Variants in PPARGC1A observed in about 807,000 individuals in gnomAD.
PPARGC1A encodes the protein peroxisome proliferator-activated receptor gamma coactivator 1-alpha.
PPARGC1A carries 25 observed loss-of-function variants against 88.7 expected under a neutral mutation model. The ratio of observed to expected loss-of-function variants is 0.28; its 90% CI spans 0.21 to 0.39. The LOEUF (loss-of-function observed/expected upper bound fraction) is 0.39. Among genes scored for constraint, PPARGC1A ranks in the 10% least tolerant of loss-of-function variants. PPARGC1A has a pLI of 1.00. For synonymous variants in PPARGC1A, 363 were observed against 355.6 expected (o/e 1.02, Z -0.24); for missense variants, 880 against 968.7 (o/e 0.91, Z 1.22).
At chr4:23,884,014 T>C (rs909877219) in intron 2 of PPARGC1A, 3 of 152,164 alleles carry the variant, frequency 2.0e-5, no homozygotes, top group African/African-American at 7.2e-5. Flanking sequence ...ACTCACTAAA[T>C]GTTTGTTCCT....
chr4:24,125,567 T>A, the PPARGC1A span, among the ~76,000 whole-genome samples: 1 of 152,130 alleles, frequency 6.6e-6, no homozygotes, highest in Non-Finnish European at 1.5e-5. Flanking sequence ...AAAACTCCAC[T>A]CCTGCATTGT....
chr4:24,322,274 C>A, the PPARGC1A span, among the ~76,000 whole-genome samples: 1 of 152,114 alleles, frequency 6.6e-6, no homozygotes, highest in Non-Finnish European at 1.5e-5. Flanking sequence ...TATTTTCCCC[C>A]GAGTTGAAGA....
the PPARGC1A span, among the ~76,000 whole-genome samples, chr4:24,374,915 C>T: frequency 5.9e-5 from 9 of 151,560 alleles, no homozygotes; most frequent in East Asian, 1.9e-4. Context: ...GAAATGAAAA[C>T]GTGTCCACAT....
At chr4:24,432,123 C>T in the PPARGC1A span, among the ~76,000 whole-genome samples, 1 of 151,978 alleles carries the variant, frequency 6.6e-6, no homozygotes, top group African/African-American at 2.4e-5. Context: ...CATGTATAGA[C>T]TCAGGTGAAT....
intron 10 of PPARGC1A, among the ~76,000 whole-genome samples, chr4:23,805,960 T>C (rs978400678): frequency 6.6e-6 from 1 of 152,170 alleles, no homozygotes; most frequent in Admixed American, 6.5e-5. Flanking sequence ...TGCAGCTTTA[T>C]ACGAAGTTGT....
the PPARGC1A span, among the ~76,000 whole-genome samples, chr4:24,059,323 A>G: frequency 3.3e-5 from 5 of 152,222 alleles, no homozygotes; most frequent in South Asian, 2.1e-4. Context: ...CAACGTATCA[A>G]TGCAAATCCA....
chr4:24,022,408 C>T, the PPARGC1A span, among the ~76,000 whole-genome samples: 1 of 151,984 alleles, frequency 6.6e-6, no homozygotes, highest in Non-Finnish European at 1.5e-5. Context: ...ACATACATAT[C>T]GGTTACTTAC....
At chr4:23,853,332 T>C (rs1729640563) in intron 2 of PPARGC1A, among the ~76,000 whole-genome samples, 1 of 152,150 alleles carries the variant, frequency 6.6e-6, no homozygotes, top group Non-Finnish European at 1.5e-5. Flanking sequence ...AACATTAACT[T>C]AGGGTCATTA....
chr4:24,264,629 C>T, the PPARGC1A span, among the ~76,000 whole-genome samples: 3 of 152,232 alleles, frequency 2.0e-5, no homozygotes, highest in Non-Finnish European at 4.4e-5. Context: ...CCCAGGCTGC[C>T]ATGGAGTTCA....
At chr4:23,964,612 C>A in the PPARGC1A span, among the ~76,000 whole-genome samples, 1 of 152,064 alleles carries the variant, frequency 6.6e-6, no homozygotes, top group African/African-American at 2.4e-5. Context: ...AGAAGTTAAG[C>A]CCGGTGTTAT....
At chr4:24,191,966 G>C in the PPARGC1A span, among the ~76,000 whole-genome samples, 1 of 152,188 alleles carries the variant, frequency 6.6e-6, no homozygotes, top group African/African-American at 2.4e-5. Flanking sequence ...ACGGGGATGT[G>C]TACAACCATA....
At chr4:23,852,254 T>A (rs577620955) in intron 2 of PPARGC1A, among the ~76,000 whole-genome samples, 1 of 152,326 alleles carries the variant, frequency 6.6e-6, no homozygotes, top group African/African-American at 2.4e-5. Flanking sequence ...TGGTTTTGCC[T>A]ACAAAAGGTT....
chr4:24,032,668 A>G, the PPARGC1A span, among the ~76,000 whole-genome samples: 1 of 152,222 alleles, frequency 6.6e-6, no homozygotes, highest in South Asian at 2.1e-4. Context: ...TATGCTCAGC[A>G]TGTCTAGGAA....
the PPARGC1A span, among the ~76,000 whole-genome samples, chr4:24,366,882 T>C: frequency 1.3e-5 from 2 of 152,280 alleles, no homozygotes; most frequent in South Asian, 4.1e-4. Flanking sequence ...CTTCCAAATC[T>C]GATGATGCTT....
chr4:24,359,181 G>A, the PPARGC1A span, among the ~76,000 whole-genome samples: 7 of 152,280 alleles, frequency 4.6e-5, no homozygotes, highest in African/African-American at 1.2e-4. Flanking sequence ...TGATCTCTGC[G>A]AGTTTAGAGC....
chr4:24,288,391 C>T, the PPARGC1A span, among the ~76,000 whole-genome samples: 97 of 152,296 alleles, frequency 6.4e-4, no homozygotes, highest in African/African-American at 2.2e-3. Context: ...CATCCCTTTA[C>T]AGAGCTCCCT....
rs571286032 is a variant in PPARGC1A at position 23,794,467 on chromosome 4, T to C, written c.*1355A>G. ...TTGAAGCTCACCTAAGGGATGGATG[T>C]GCGGAAAGCATCATTTTGCTCTTGT... On this transcript the variant is annotated 3_prime_UTR_variant, in exon 13 of 13. Transcript: ENST00000264867. 1 of 152,622 alleles carries C rather than the reference T, an allele frequency of 6.6e-6. No individual in the cohort carries two copies. The highest frequency in any genetic ancestry group is 6.5e-5 in the Admixed American group (1 of 15,278). 9.5% of individuals were successfully genotyped at this position (152,622 alleles called of 1,614,324 possible). A position where few individuals can be genotyped will look rare whatever the true frequency, so the allele number is the denominator to read the frequency against.
chr4:24,035,628 C>G, the PPARGC1A span, among the ~76,000 whole-genome samples: 1 of 151,602 alleles, frequency 6.6e-6, no homozygotes. Context: ...GTAGGTAGAG[C>G]TTCATATAGC....
At chr4:24,201,972 G>A in the PPARGC1A span, among the ~76,000 whole-genome samples, 1 of 151,502 alleles carries the variant, frequency 6.6e-6, no homozygotes, top group African/African-American at 2.4e-5. Flanking sequence ...CGCGATCTCA[G>A]CTCACTGCAA....
Sources: allele counts gnomAD v4.1 joint callset (sites outside exome capture counted in the v4.1 genomes callset), GRCh38; gene constraint gnomAD v4.1.1; transcripts MANE v1.5; gene names NCBI Gene and HGNC (gene_info 2026-07-23, HGNC 2026-07-21).